The following KCNB2 variants were observed in gnomAD, a reference collection of about 807,000 sequenced individuals.
KCNB2 encodes the protein delayed rectifier potassium channel protein.
A neutral mutation model predicts 61.5 loss-of-function variants in KCNB2; 15 were observed. The ratio of observed to expected loss-of-function variants is 0.24; its 90% CI spans 0.16 to 0.38. The LOEUF (loss-of-function observed/expected upper bound fraction) is 0.38, where lower values mean the gene tolerates loss of function less well. Ranked by LOEUF, KCNB2 falls within the 10% of genes least tolerant of loss-of-function variation. The pLI is 1.00. For missense variants in KCNB2, 828 were observed against 1,125.2 expected (o/e 0.74, Z 3.78); for synonymous variants, 457 against 446.0 (o/e 1.02, Z -0.31).
At position 72,609,065 on chromosome 8, in the gene KCNB2, G is replaced by C. The variant is rs139176821; in HGVS notation, c.579+40752G>C. Among the ~76,000 whole-genome samples, 51 of 152,314 alleles carry C rather than the reference G, an allele frequency of 3.3e-4. 1 individual carries two copies. Among genetic ancestry groups the C allele is most frequent in the African/African-American group, 1.2e-3 (51 of 41,570 alleles). ...ATTGTTTCATAGAGGATTAGAATGA[G>C]AAGAAGTATGAGAGGTTATGGTCTA... On this transcript the variant is annotated intron_variant, in intron 2 of 2. Transcript: ENST00000523207.
chr8:72,610,923 A>G (rs1805527403), intron 2 of KCNB2, among the ~76,000 whole-genome samples: 1 of 152,144 alleles, frequency 6.6e-6, no homozygotes, highest in African/African-American at 2.4e-5. Flanking sequence ...GTCAGAAAAA[A>G]TGATTTTGTC....
intron 2 of KCNB2, among the ~76,000 whole-genome samples, chr8:72,801,153 G>T (rs576281643): frequency 8.5e-5 from 13 of 152,294 alleles, no homozygotes; most frequent in Admixed American, 7.2e-4. Context: ...GCAACACTAA[G>T]TTTTACTAGA....
In KCNB2 at chr8:72,741,786, G is replaced by A. The variant is rs10109682; in HGVS notation, c.579+173473G>A. 5.2e-3 allele frequency among the ~76,000 whole-genome samples: 787 copies of A among 152,184 alleles called. 8 individuals are homozygous for A. Among genetic ancestry groups the A allele is most frequent in the African/African-American group, 0.018 (760 of 41,542 alleles). On this transcript the variant is annotated intron_variant, in intron 2 of 2. Transcript: ENST00000523207. ...TGGCTGAGTAGTATTAAACCACAAT[G>A]CCATACCACCTTACTCTTGCAAAAA...
rs1491515863 is a variant in KCNB2, at chr8:72,920,467, ATC to A, written c.580-15466_580-15465del. 2.6e-4 allele frequency among the ~76,000 whole-genome samples: 23 copies of A among 88,656 alleles called. 3 individuals are homozygous for A. Among genetic ancestry groups the A allele is most frequent in the African/African-American group, 1.0e-3 (18 of 17,808 alleles). 58.2% of individuals were successfully genotyped at this position (88,656 alleles called of 152,430 possible). ...TATCTATCTATCTATCTATCTATCT[ATC>A]TATCTATATATATATATATTAGCTG... is the stretch of plus-strand genomic sequence containing the variant. On this transcript the variant is annotated intron_variant, in intron 2 of 2. Transcript: ENST00000523207.
intron 2 of KCNB2, among the ~76,000 whole-genome samples, chr8:72,833,524 A>T (rs1260120747): frequency 6.6e-6 from 1 of 152,204 alleles, no homozygotes; most frequent in African/African-American, 2.4e-5. Context: ...TCTCTGCTCT[A>T]TGAAAATTGA....
chr8:72,709,357 T>A (rs1268110348), intron 2 of KCNB2, among the ~76,000 whole-genome samples: 2 of 152,138 alleles, frequency 1.3e-5, no homozygotes, highest in East Asian at 1.9e-4. Context: ...GCCTTCTGTA[T>A]TAGACCATTT....
intron 2 of KCNB2, among the ~76,000 whole-genome samples, chr8:72,679,280 T>C (rs1412786077): frequency 3.3e-5 from 5 of 152,236 alleles, no homozygotes; most frequent in Admixed American, 3.3e-4. Context: ...GTATGGACAG[T>C]GTTCTTATGT....
chr8:72,571,874 C>T (rs1276138131), intron 2 of KCNB2, among the ~76,000 whole-genome samples: 1 of 152,176 alleles, frequency 6.6e-6, no homozygotes, highest in Non-Finnish European at 1.5e-5. Flanking sequence ...GTACCTCTTC[C>T]AGGCCAGGGC....
chr8:72,890,825 G>A, intron 2 of KCNB2, among the ~76,000 whole-genome samples: 1 of 152,218 alleles, frequency 6.6e-6, no homozygotes, highest in East Asian at 1.9e-4. Context: ...AACGATAGAT[G>A]TAGTTCTGTT....
chr8:72,709,460 G>T (rs116443708), intron 2 of KCNB2, among the ~76,000 whole-genome samples: 194 of 151,830 alleles, frequency 1.3e-3, no homozygotes, highest in African/African-American at 4.3e-3. Flanking sequence ...CAGGAAGCAC[G>T]GTGCCGGCAT....
chr8:72,927,657 A>C (rs1169506524), intron 2 of KCNB2, among the ~76,000 whole-genome samples: 3 of 152,230 alleles, frequency 2.0e-5, no homozygotes, highest in Admixed American at 6.5e-5. Flanking sequence ...TTGGTTGTGC[A>C]AGTTGTGCAC....
chr8:72,706,340 A>T (rs1807223287), intron 2 of KCNB2, among the ~76,000 whole-genome samples: 1 of 152,246 alleles, frequency 6.6e-6, no homozygotes. Flanking sequence ...ATGGAAGTGC[A>T]TCATGGATTT....
At chr8:72,544,903 A>C (rs993994285) in intron 1 of KCNB2, among the ~76,000 whole-genome samples, 2 of 152,206 alleles carry the variant, frequency 1.3e-5, no homozygotes, top group Admixed American at 1.3e-4. Context: ...AAGTAGTGAC[A>C]CACCTGGCTT....
chr8:72,921,883 TTTC>T (rs1390304030), intron 2 of KCNB2, among the ~76,000 whole-genome samples: 1 of 152,214 alleles, frequency 6.6e-6, no homozygotes, highest in Non-Finnish European at 1.5e-5. Flanking sequence ...TTCCTCTCCT[TTTC>T]AAATGACATT....
intron 2 of KCNB2, among the ~76,000 whole-genome samples, chr8:72,697,917 A>G (rs1807044160): frequency 6.6e-6 from 1 of 152,122 alleles, no homozygotes; most frequent in African/African-American, 2.4e-5. Flanking sequence ...GCCCAATCCC[A>G]GGCCTTCTCT....
At chr8:72,815,922 A>G (rs1197573359) in intron 2 of KCNB2, among the ~76,000 whole-genome samples, 1 of 152,188 alleles carries the variant, frequency 6.6e-6, no homozygotes, top group African/African-American at 2.4e-5. Flanking sequence ...GACATAATAT[A>G]AAAGAAAAAA....
intron 1 of KCNB2, among the ~76,000 whole-genome samples, chr8:72,561,940 T>C (rs1343139822): frequency 6.6e-6 from 1 of 151,206 alleles, no homozygotes; most frequent in African/African-American, 2.4e-5. Context: ...TTACAATGCC[T>C]TTCTCTTCAG....
chr8:72,916,160 A>G (rs1806395389), intron 2 of KCNB2, among the ~76,000 whole-genome samples: 1 of 152,200 alleles, frequency 6.6e-6, no homozygotes, highest in East Asian at 1.9e-4. Context: ...TGTGCAAAAA[A>G]TGATATTAAT....
intron 2 of KCNB2, among the ~76,000 whole-genome samples, chr8:72,657,767 A>G (rs1221468960): frequency 6.6e-6 from 1 of 152,206 alleles, no homozygotes; most frequent in African/African-American, 2.4e-5. Flanking sequence ...AGTTCTAACA[A>G]GAACATTTGC....
Sources: gnomAD v4.1 joint callset for allele counts (sites outside exome capture counted in the v4.1 genomes callset) on GRCh38, gnomAD v4.1.1 for gene constraint, MANE v1.5 for transcripts, NCBI Gene and HGNC (gene_info 2026-07-23, HGNC 2026-07-21) for gene names.